The following PWP1 variants were observed in gnomAD, a reference collection of about 807,000 sequenced individuals.
PWP1 encodes PWP1 homolog, endonuclein.
A neutral mutation model predicts 69.9 loss-of-function variants in PWP1; 47 were observed. The ratio of observed to expected loss-of-function variants is 0.67; its 90% confidence interval spans 0.53 to 0.86. The LOEUF (loss-of-function observed/expected upper bound fraction) is 0.86, where lower values mean the gene tolerates loss of function less well. Among genes scored for constraint, PWP1 ranks in the 40% least tolerant of loss-of-function variants. The probability of loss-of-function intolerance (pLI) is 0.00; values close to 1 mark genes in which losing one functional copy is unlikely to be tolerated. For missense variants in PWP1, 551 were observed against 608.8 expected (o/e 0.91, Z 1.00); for synonymous variants, 222 against 208.2 (o/e 1.07, Z -0.57).
intron 5 of PWP1, among the ~76,000 whole-genome samples, chr12:107,693,332 T>C (rs559377180): frequency 2.6e-5 from 4 of 152,170 alleles, no homozygotes; most frequent in South Asian, 2.1e-4. Context: ...AAATTTTTCA[T>C]AGGGGTGTTT....
intron 5 of PWP1, among the ~76,000 whole-genome samples, chr12:107,695,472 A>G (rs1889564428): frequency 6.6e-6 from 1 of 152,200 alleles, no homozygotes; most frequent in African/African-American, 2.4e-5. Flanking sequence ...TCCTTAATTT[A>G]TTATATATTT....
intron 12 of PWP1, 36 bp downstream of exon 12, chr12:107,709,052 C>T (rs1328696482): frequency 2.5e-6 from 4 of 1,613,280 alleles, no homozygotes; most frequent in Non-Finnish European, 3.4e-6. Context: ...TTTTTCTTAA[C>T]TTATGATGAA....
intron 1 of PWP1, among the ~76,000 whole-genome samples, chr12:107,687,670 G>A (rs1161376799): frequency 1.3e-5 from 2 of 152,178 alleles, no homozygotes; most frequent in Non-Finnish European, 2.9e-5. Context: ...GGAAGCTGAG[G>A]TGGGAGGATC....
rs1343204326 is a variant in PWP1 at position 107,709,139 on chromosome 12, C to T, written c.1197C>T (p.Gly399=). 3 of 1,613,998 alleles carry T rather than the reference C, an allele frequency of 1.9e-6. No individual in the cohort carries two copies. The part of the protein sequence containing the change: ...SGLDLSSQIK[G]CLVTASADKY... Reference sequence around the variant, plus strand: ...TTGATCTTAGCAGTCAAATCAAGGGCTGTCTCGTGACTGCTTCAGCTGACA... The same window carrying T: ...TTGATCTTAGCAGTCAAATCAAGGGTTGTCTCGTGACTGCTTCAGCTGACA... The change falls in exon 13 of 15, where the codon GGC becomes GGT. Residue 399 remains glycine (G), a synonymous_variant. Coordinates refer to ENST00000412830, the MANE Select transcript of PWP1 (RefSeq NM_007062.3).
chr12:107,690,565 G>C (rs1451201483), intron 3 of PWP1, among the ~76,000 whole-genome samples: 1 of 152,090 alleles, frequency 6.6e-6, no homozygotes, highest in Non-Finnish European at 1.5e-5. Context: ...CCTAATTCAA[G>C]CAATTTTCCT....
Position 107,703,770 on chromosome 12 carries a change from T to C in PWP1, c.965+24T>C, listed in dbSNP as rs138034608. On this transcript the variant is annotated intron_variant, in intron 10 of 14. Transcript: ENST00000412830. ...AAGTAAGAAAGCACAGCAAGAATGA[T>C]TGCTACTCTGTTTTTATCCTCTAGA... 4.4e-4 allele frequency: 682 copies of C among 1,565,366 alleles called. 3 individuals are homozygous for C. The African/African-American group carries it at 7.8e-3, about 18-fold the overall frequency.
At chr12:107,693,208 G>T in intron 5 of PWP1, 112 bp downstream of exon 5, 2 of 1,418,716 alleles carry the variant, frequency 1.4e-6, no homozygotes, top group South Asian at 1.6e-5. Context: ...CATTTAAGTT[G>T]GTTACATAGT....
chr12:107,711,214 G>C (rs1272168194), intron 14 of PWP1, among the ~76,000 whole-genome samples: 5 of 152,216 alleles, frequency 3.3e-5, no homozygotes, highest in Non-Finnish European at 7.3e-5. Flanking sequence ...TTAAGACACA[G>C]ATCGAGATCG....
chr12:107,692,948 A>G (rs1273090162), intron 4 of PWP1, 49 bp downstream of exon 4: 1 of 1,611,854 alleles, frequency 6.2e-7, no homozygotes, highest in East Asian at 2.2e-5. Context: ...TGTTCAAAAA[A>G]CCTTACTGGC....
At chr12:107,706,315 T>C (rs917592837) in intron 11 of PWP1, among the ~76,000 whole-genome samples, 22 of 152,208 alleles carry the variant, frequency 1.4e-4, no homozygotes, top group African/African-American at 5.3e-4. Context: ...GATGAGTAGA[T>C]TGCAAAAATT....
intron 7 of PWP1, 120 bp from the exon 8 acceptor site, chr12:107,699,253 C>T (rs370983395): frequency 1.4e-4 from 105 of 769,020 alleles, no homozygotes; most frequent in East Asian, 8.4e-4. Context: ...ACAAAGACTC[C>T]GTCTCAAAAC....
chr12:107,697,876 C>G (rs7959279), intron 7 of PWP1: 31,517 of 476,282 alleles, frequency 0.066, 1,314 homozygotes, highest in African/African-American at 0.11. Context: ...GAAGGACTTT[C>G]GGATTATGAG....
In PWP1 at chr12:107,712,288, T is replaced by C. The variant is rs1170819003; in HGVS notation, c.*68T>C. 5.0e-6 allele frequency: 6 copies of C among 1,197,836 alleles called. No homozygotes were observed. Among genetic ancestry groups the C allele is most frequent in the African/African-American group, 3.0e-5 (2 of 66,404 alleles). 74.2% of individuals were successfully genotyped at this position (1,197,836 alleles called of 1,614,324 possible). On this transcript the variant is annotated 3_prime_UTR_variant, in exon 15 of 15. Transcript: ENST00000412830. ...AAAAAGTTGGCCTAAAAATGTTCCA[T>C]GCGTGGCAGCAACCATGCAGAGTGA...
At chr12:107,708,874 T>G in intron 11 of PWP1, 52 bp from the exon 12 acceptor site, 1 of 1,486,556 alleles carries the variant, frequency 6.7e-7, no homozygotes, top group Non-Finnish European at 9.4e-7. Context: ...TTTTTACCCA[T>G]TGTTAGATTT....
chr12:107,698,685 A>G (rs768773490), intron 7 of PWP1, among the ~76,000 whole-genome samples: 2 of 152,206 alleles, frequency 1.3e-5, no homozygotes, highest in Non-Finnish European at 2.9e-5. Flanking sequence ...CCTAGGCTCA[A>G]GAGATCCTGG....
At chr12:107,697,741 A>G in intron 7 of PWP1, 144 bp downstream of exon 7, 1 of 837,620 alleles carries the variant, frequency 1.2e-6, no homozygotes, top group South Asian at 1.4e-5. Context: ...TGTAATTTTT[A>G]GTTTTGAAAA....
At chr12:107,688,550 A>C (rs1889419447) in intron 2 of PWP1, 44 bp downstream of exon 2, 1 of 1,610,614 alleles carries the variant, frequency 6.2e-7, no homozygotes, top group Non-Finnish European at 8.5e-7. Flanking sequence ...AATGATGATG[A>C]CCATGTGGTC....
At chr12:107,691,185 G>C (rs759472669) in intron 3 of PWP1, among the ~76,000 whole-genome samples, 4 of 152,180 alleles carry the variant, frequency 2.6e-5, no homozygotes, top group Non-Finnish European at 5.9e-5. Context: ...TTTAGTGCCA[G>C]AGCAATATTG....
intron 7 of PWP1, among the ~76,000 whole-genome samples, chr12:107,698,090 C>A (rs796758508): frequency 1.3e-5 from 2 of 151,990 alleles, no homozygotes; most frequent in Admixed American, 1.3e-4. Flanking sequence ...AGGCCACGCA[C>A]GTGGCTCACT....
Sources: gnomAD v4.1 joint callset for allele counts (sites outside exome capture counted in the v4.1 genomes callset) on GRCh38, gnomAD v4.1.1 for gene constraint, MANE v1.5 for transcripts, NCBI Gene and HGNC (gene_info 2026-07-23, HGNC 2026-07-21) for gene names.